ASTN2: variants seen among roughly 807,000 people sequenced by gnomAD.
The protein encoded by ASTN2 is astrotactin-2.
In ASTN2, 54 loss-of-function variants were observed where a neutral mutation model predicts 139.8. That is an observed-to-expected ratio of 0.39 (90% CI 0.31 to 0.48). The LOEUF is 0.48. Among genes scored for constraint, ASTN2 ranks in the 20% least tolerant of loss-of-function variants. The pLI is 0.95. For synonymous variants in ASTN2, 756 were observed against 719.5 expected (o/e 1.05, Z -0.81); for missense variants, 1,565 against 1,725.1 (o/e 0.91, Z 1.64).
At chr9:116,442,836 G>C (rs1044196001) in intron 20 of ASTN2, among the ~76,000 whole-genome samples, 6 of 152,152 alleles carry the variant, frequency 3.9e-5, no homozygotes, top group Admixed American at 3.9e-4. Context: ...CAGAATGGGG[G>C]TATTGAACTC....
intron 20 of ASTN2, among the ~76,000 whole-genome samples, chr9:116,485,741 C>T (rs997023957): frequency 5.3e-5 from 8 of 152,184 alleles, no homozygotes; most frequent in Admixed American, 2.6e-4. Flanking sequence ...CACTGCCCCC[C>T]AGGTGACTTA....
intron 1 of ASTN2, among the ~76,000 whole-genome samples, chr9:117,402,466 C>T (rs375795243): frequency 7.2e-5 from 11 of 152,096 alleles, no homozygotes; most frequent in African/African-American, 2.4e-4. Context: ...AAAAACTAGG[C>T]TAATAGTTTG....
chr9:116,981,697 T>C (rs1344283), intron 7 of ASTN2, among the ~76,000 whole-genome samples: 81,388 of 152,036 alleles, frequency 0.54, 22,755 homozygotes, highest in South Asian at 0.73. Flanking sequence ...AATTTTTCTG[T>C]ACATTTTTGA....
intron 6 of ASTN2, among the ~76,000 whole-genome samples, chr9:117,011,929 T>G (rs758573269): frequency 1.3e-5 from 2 of 152,120 alleles, no homozygotes; most frequent in Non-Finnish European, 2.9e-5. Context: ...CTGTCTAGAG[T>G]AGTCTGTGAA....
intron 4 of ASTN2, among the ~76,000 whole-genome samples, chr9:117,113,067 T>A (rs949503654): frequency 6.6e-6 from 1 of 152,178 alleles, no homozygotes; most frequent in East Asian, 1.9e-4. Context: ...AATGGCTAAA[T>A]TTTAAAAAGA....
chr9:116,578,848 G>C (rs1237316682), intron 19 of ASTN2: 1 of 151,982 alleles, frequency 6.6e-6, no homozygotes, highest in Non-Finnish European at 1.5e-5. Flanking sequence ...CAGAATTACA[G>C]AAGGCTCTGA....
At chr9:116,808,279 GT>G (rs1831080439) in intron 12 of ASTN2, among the ~76,000 whole-genome samples, 1 of 21,440 alleles carries the variant, frequency 4.7e-5, no homozygotes. Context: ...AATACATATT[GT>G]GTGTGTGTGT....
intron 2 of ASTN2, among the ~76,000 whole-genome samples, chr9:117,235,999 G>A (rs1400130753): frequency 6.6e-6 from 1 of 152,142 alleles, no homozygotes; most frequent in Non-Finnish European, 1.5e-5. Context: ...TGAGCTCAGA[G>A]GCCTGGAGTT....
At chr9:117,205,133 C>A (rs1263326992) in intron 3 of ASTN2, among the ~76,000 whole-genome samples, 1 of 152,112 alleles carries the variant, frequency 6.6e-6, no homozygotes, top group African/African-American at 2.4e-5. Flanking sequence ...GGGGTAGTGA[C>A]AATAAACCAG....
intron 16 of ASTN2, among the ~76,000 whole-genome samples, chr9:116,709,388 A>G (rs1363611734): frequency 6.6e-6 from 1 of 152,184 alleles, no homozygotes; most frequent in Admixed American, 6.5e-5. Flanking sequence ...CTACCATTGT[A>G]TGTGATGGAG....
chr9:117,241,564 C>T (rs1183657581), intron 2 of ASTN2, among the ~76,000 whole-genome samples: 1 of 152,150 alleles, frequency 6.6e-6, no homozygotes, highest in Non-Finnish European at 1.5e-5. Flanking sequence ...AGTGTGCAAC[C>T]TAGATCCCTT....
At chr9:116,459,308 T>C (rs1848417868) in intron 20 of ASTN2, among the ~76,000 whole-genome samples, 1 of 152,012 alleles carries the variant, frequency 6.6e-6, no homozygotes, top group South Asian at 2.1e-4. Flanking sequence ...TATAAAACTG[T>C]AAGAAGAAGA....
chr9:117,411,192 T>A (rs943979204), intron 1 of ASTN2, among the ~76,000 whole-genome samples: 3 of 152,080 alleles, frequency 2.0e-5, no homozygotes, highest in African/African-American at 7.2e-5. Context: ...TCCATATATG[T>A]TATGTAAATT....
At chr9:116,466,442 T>C (rs1030858678) in intron 20 of ASTN2, among the ~76,000 whole-genome samples, 19 of 152,222 alleles carry the variant, frequency 1.2e-4, no homozygotes, top group Non-Finnish European at 1.2e-4. Context: ...CTGGAACTTC[T>C]AGGCAGTTCC....
chr9:116,786,945 A>T (rs921092558), intron 13 of ASTN2, among the ~76,000 whole-genome samples: 2 of 152,166 alleles, frequency 1.3e-5, no homozygotes, highest in African/African-American at 4.8e-5. Context: ...TGGTGGTTTT[A>T]AAAGGGGCTT....
intron 7 of ASTN2, among the ~76,000 whole-genome samples, chr9:116,977,714 TC>T: frequency 1.5e-5 from 1 of 68,632 alleles, no homozygotes; most frequent in African/African-American, 4.5e-5. Context: ...AATTTCTTTT[TC>T]TTTTTTTTTT....
chr9:116,699,387 G>A lies in ASTN2; in HGVS notation c.2806+26384C>T. Reference sequence around the variant, plus strand: ...GCAGAATGAGCACCACCTGGAGGGTGGCTTTTCCATTGGCTCTGTAGGCCC... The same window carrying A: ...GCAGAATGAGCACCACCTGGAGGGTAGCTTTTCCATTGGCTCTGTAGGCCC... On this transcript the variant is annotated intron_variant, in intron 16 of 22. Transcript: ENST00000313400. The surrounding 1 kb of genome is among the most constrained non-coding windows in gnomAD (Gnocchi z 4.2). 3 of 1,614,192 alleles carry A rather than the reference G, an allele frequency of 1.9e-6. No homozygotes were observed. Among genetic ancestry groups the A allele is most frequent in the Non-Finnish European group, 2.5e-6 (3 of 1,180,034 alleles).
At chr9:117,245,053 G>A (rs1833338605) in intron 2 of ASTN2, among the ~76,000 whole-genome samples, 1 of 151,900 alleles carries the variant, frequency 6.6e-6, no homozygotes, top group South Asian at 2.1e-4. Flanking sequence ...ACAAGTAGAA[G>A]GTGGCTAAAG....
intron 12 of ASTN2, among the ~76,000 whole-genome samples, chr9:116,815,912 A>T (rs7025282): frequency 0.27 from 41,519 of 151,430 alleles, 6,258 homozygotes; most frequent in African/African-American, 0.38. Context: ...AAAGGTGTAT[A>T]ACTCCTGAAA....
Sources: gnomAD v4.1 joint callset for allele counts (sites outside exome capture counted in the v4.1 genomes callset) on GRCh38, gnomAD v4.1.1 for gene constraint, Gnocchi (gnomAD v3.1) non-coding constraint, MANE v1.5 for transcripts, NCBI Gene and HGNC (gene_info 2026-07-23, HGNC 2026-07-21) for gene names.